Variants in NYNRIN observed in about 807,000 individuals in gnomAD.
NYNRIN encodes the protein protein NYNRIN.
In NYNRIN, 86 loss-of-function variants were observed where a neutral mutation model predicts 146.6. The observed-to-expected ratio is 0.59, with a 90% CI of 0.49 to 0.70. The LOEUF is 0.70. Among genes scored for constraint, NYNRIN ranks in the 30% least tolerant of loss-of-function variants. The probability of loss-of-function intolerance (pLI) is 0.00; values close to 1 mark genes in which losing one functional copy is unlikely to be tolerated. For missense variants in NYNRIN, 2,191 were observed against 2,377.7 expected (o/e 0.92, Z 1.63); for synonymous variants, 1,027 against 1,001.3 (o/e 1.03, Z -0.48).
At chr14:24,406,864 C>T (rs1434262640) in intron 2 of NYNRIN, among the ~76,000 whole-genome samples, 1 of 152,258 alleles carries the variant, frequency 6.6e-6, no homozygotes, top group Non-Finnish European at 1.5e-5. Context: ...AAACCCCAAC[C>T]TCGCCCACCC....
At chr14:24,412,506 T>C (rs1043508386) in intron 6 of NYNRIN, 11 of 160,330 alleles carry the variant, frequency 6.9e-5, no homozygotes, top group African/African-American at 2.4e-4. Flanking sequence ...ATGAATATTA[T>C]GCATTGGTGA....
Position 24,399,066 on chromosome 14 carries a change from C to T in NYNRIN, c.-38C>T. ...TCGAAGGGGACCAAGCTCCAGAGGG[C>T]GGGCGCCCGAGCCGTGCGGGGTGGG... On this transcript the variant is annotated 5_prime_UTR_variant, in exon 1 of 9. Coordinates refer to ENST00000382554, the MANE Select transcript of NYNRIN (RefSeq NM_025081.3). 2 of 547,246 alleles carry T rather than the reference C, an allele frequency of 3.7e-6. No homozygotes were observed. Among genetic ancestry groups the T allele is most frequent in the South Asian group, 2.4e-5 (1 of 42,202 alleles). The allele number at this position is 547,246 out of a possible 1,614,324, so 33.9% of individuals were successfully genotyped here.
chr14:24,405,839 A>G (rs537619285), intron 2 of NYNRIN, among the ~76,000 whole-genome samples: 6 of 152,204 alleles, frequency 3.9e-5, no homozygotes, highest in Non-Finnish European at 7.3e-5. Flanking sequence ...TATTTTAAAA[A>G]TTATCACAGT....
chr14:24,405,673 T>TGTGTG (rs2042871637), intron 2 of NYNRIN, among the ~76,000 whole-genome samples: 1 of 152,198 alleles, frequency 6.6e-6, no homozygotes, highest in African/African-American at 2.4e-5. Context: ...TATCCCAGCC[T>TGTGTG]ACTAACTGTG....
chr14:24,405,375 T>C (rs555302751), intron 2 of NYNRIN, among the ~76,000 whole-genome samples: 96 of 152,354 alleles, frequency 6.3e-4, no homozygotes, highest in Admixed American at 1.1e-3. Context: ...ACAAGTTGAC[T>C]AACGACCTGT....
Position 24,409,034 on chromosome 14 carries a change from C to A in NYNRIN, c.1240C>A (p.Leu414Met), listed in dbSNP as rs1440816891. 6.2e-7 allele frequency: 1 copy of A among 1,613,398 alleles called. No individual in the cohort carries two copies. Among genetic ancestry groups the A allele is most frequent in the East Asian group, 2.2e-5 (1 of 44,874 alleles). Reference sequence around the variant, plus strand: ...AGGGCAGAATCCTTTGCCCTTAAATCTGGAGTGGAAGCAGAAGGAGCTGGC... The same window carrying A: ...AGGGCAGAATCCTTTGCCCTTAAATATGGAGTGGAAGCAGAAGGAGCTGGC... ...LPGQNPLPLN[L>M]EWKQKELAPL... The change falls in exon 4 of 9, where the codon CTG (leucine) becomes ATG (methionine). Residue 414 changes from leucine to methionine, a missense_variant. Physicochemically the swap from Leu to Met is conservative, Grantham distance 15 (BLOSUM62 2). Coordinates refer to ENST00000382554, the MANE Select transcript of NYNRIN (RefSeq NM_025081.3).
At position 24,417,147 on chromosome 14, in the gene NYNRIN, C is replaced by T; in HGVS notation, c.5398C>T (p.Leu1800Phe). The T allele has an allele frequency of 6.2e-7, 1 of 1,614,004 alleles. No homozygotes were observed. The highest frequency in any genetic ancestry group is 1.1e-5 in the South Asian group (1 of 91,086). ...LLQLVGELLE[L>F]HWRVADKASE... ...ACAGCTGGTGGGGGAGCTGCTGGAGCTCCACTGGAGGGTGGCTGACAAGGC... is the reference window on the plus strand; with the variant it reads ...ACAGCTGGTGGGGGAGCTGCTGGAGTTCCACTGGAGGGTGGCTGACAAGGC... The change falls in exon 9 of 9, where the codon CTC becomes TTC. Residue 1800 changes from leucine to phenylalanine, a missense_variant. Coordinates refer to ENST00000382554, the MANE Select transcript of NYNRIN (RefSeq NM_025081.3).
At chr14:24,399,630 G>T (rs1408781429) in intron 2 of NYNRIN, among the ~76,000 whole-genome samples, 186 bp downstream of exon 2, 2 of 152,050 alleles carry the variant, frequency 1.3e-5, no homozygotes, top group Non-Finnish European at 2.9e-5. Flanking sequence ...TTCCATGCCC[G>T]CTTCTTCCCT....
chr14:24,414,517 G>T lies in NYNRIN; in HGVS notation c.2847-79G>T, dbSNP rs572847076. 12 of 1,138,184 alleles carry T rather than the reference G, an allele frequency of 1.1e-5. 1 individual carries two copies. In the Middle Eastern group the frequency reaches 1.0e-3, roughly 96 times the overall value. 70.5% of individuals were successfully genotyped at this position (1,138,184 alleles called of 1,614,324 possible). A position where few individuals can be genotyped will look rare whatever the true frequency, so the allele number is the denominator to read the frequency against. ...CAGCCTCAGGACACTTTGGAATGGG[G>T]TTTCCACAGAGGTGCTTTCCCTTTG... On this transcript the variant is annotated intron_variant, in intron 8 of 8. Transcript: ENST00000382554.
chr14:24,404,741 C>T (rs1436110557), intron 2 of NYNRIN, among the ~76,000 whole-genome samples: 1 of 152,154 alleles, frequency 6.6e-6, no homozygotes, highest in Admixed American at 6.6e-5. Flanking sequence ...CCAGGTTTTC[C>T]AGAATGTATG....
At position 24,417,059 on chromosome 14, in the gene NYNRIN, G is replaced by T. The variant is rs534007372; in HGVS notation, c.5310G>T (p.Glu1770Asp). The change falls in exon 9 of 9, where the codon GAG becomes GAT. Residue 1770 changes from glutamate to aspartate, a missense_variant. This residue lies in a region of NYNRIN where 1,291 missense variants were observed against 1,417.0 expected (regional missense o/e 0.91). Transcript: ENST00000382554. ...CCGGGGGTGAGTCAAGGCTCACGGA[G>T]CCCCTGTGGTGGGAGATGAGCAGCG... ...VLTGGESRLT[E>D]PLWWEMSSAN... 3.7e-6 allele frequency: 6 copies of T among 1,612,422 alleles called. No individual in the cohort carries two copies. The Admixed American group carries it at 8.3e-5, about 22-fold the overall frequency.
chr14:24,399,032 T>C lies in NYNRIN; in HGVS notation c.-72T>C, dbSNP rs1253883010. The stretch of plus-strand genomic sequence containing the variant: ...CCCGGGCAGGAAGAGCTCGTCGCGG[T>C]AGCAGCGGTCGAAGGGGACCAAGCT... On this transcript the variant is annotated 5_prime_UTR_variant, in exon 1 of 9. Coordinates refer to ENST00000382554, the MANE Select transcript of NYNRIN (RefSeq NM_025081.3). The C allele has an allele frequency of 2.0e-6, 1 of 511,140 alleles. No individual in the cohort carries two copies. The highest frequency in any genetic ancestry group is 4.1e-5 in the Admixed American group (1 of 24,294). 31.7% of individuals were successfully genotyped at this position (511,140 alleles called of 1,614,324 possible). A position where few individuals can be genotyped will look rare whatever the true frequency, so the allele number is the denominator to read the frequency against.
In NYNRIN at chr14:24,407,969, A is replaced by G. The variant is rs1477081270; in HGVS notation, c.299A>G (p.Asp100Gly). The G allele has an allele frequency of 1.9e-6, 3 of 1,613,876 alleles. No homozygotes were observed. Among genetic ancestry groups the G allele is most frequent in the Middle Eastern group, 1.6e-4 (1 of 6,082 alleles). ...AFLGAQGLFL[D>G]CLCWSTLAYL... ...CTTGGGGCCCAAGGCCTCTTCCTGG[A>G]CTGCCTCTGCTGGAGCACCCTTGCC... Residue 100 changes from aspartate (D) to glycine (G), a missense_variant, in exon 3 of 9, where the codon GAC (aspartate) becomes GGC (glycine). Asp to Gly is a moderately conservative substitution (Grantham distance 94, BLOSUM62 -1). Transcript: ENST00000382554.
chr14:24,413,231 A>G, intron 7 of NYNRIN, 85 bp from the exon 8 acceptor site: 1 of 1,407,940 alleles, frequency 7.1e-7, no homozygotes, highest in South Asian at 1.2e-5. Context: ...TGTGGGTCTC[A>G]GCGCCATGGA....
At chr14:24,407,740 T>C (rs1289543680) in intron 2 of NYNRIN, 129 bp from the exon 3 acceptor site, 11 of 800,028 alleles carry the variant, frequency 1.4e-5, no homozygotes, top group Non-Finnish European at 2.2e-5. Flanking sequence ...ATTTGGCTCA[T>C]GGTGGATGGG....
In NYNRIN at chr14:24,410,076, C is replaced by T. The variant is rs752963794; in HGVS notation, c.2282C>T (p.Ala761Val). The change falls in exon 4 of 9, where the codon GCG becomes GTG. Residue 761 changes from alanine to valine, a missense_variant. By Grantham distance (64) the Ala-to-Val change is moderately conservative. Coordinates refer to ENST00000382554, the MANE Select transcript of NYNRIN (RefSeq NM_025081.3). ...APRQPPRHLQ[A>V]NSTVTSFQRY... is the part of the protein sequence containing the mutation. ...AGGCAGCCACCTCGCCACCTGCAAG[C>T]GAACAGCACAGTGACCAGCTTCCAG... 13 of 1,613,836 alleles carry T rather than the reference C, an allele frequency of 8.1e-6. No homozygotes were observed. The highest frequency in any genetic ancestry group is 1.6e-4 in the Middle Eastern group (1 of 6,084).
In NYNRIN at chr14:24,408,850, G is replaced by A. The variant is rs746951328; in HGVS notation, c.1056G>A (p.Pro352=). Residue 352 remains proline (P), a synonymous_variant, in exon 4 of 9, where the codon CCG becomes CCA. Transcript: ENST00000382554. ...GVCPPWKAWT[P]GPAFGPLWPG... ...GCCCACCCTGGAAGGCCTGGACCCC[G>A]GGGCCAGCCTTTGGGCCATTGTGGC... The A allele has an allele frequency of 2.7e-5, 43 of 1,613,888 alleles. No homozygotes were observed. Among genetic ancestry groups the A allele is most frequent in the South Asian group, 7.7e-5 (7 of 91,084 alleles).
At position 24,415,289 on chromosome 14, in the gene NYNRIN, A is replaced by G; in HGVS notation, c.3540A>G (p.Ser1180=). 6.2e-7 allele frequency: 1 copy of G among 1,613,908 alleles called. No individual in the cohort carries two copies. The highest frequency in any genetic ancestry group is 8.5e-7 in the Non-Finnish European group (1 of 1,179,844). ...ALTAILHQEH[S]GRKHPIAYTS... The stretch of plus-strand genomic sequence containing the variant: ...CGGCCATCCTCCATCAGGAGCACTC[A>G]GGGAGGAAGCACCCCATAGCCTATA... Residue 1180 remains serine (S), a synonymous_variant, in exon 9 of 9, where the codon TCA becomes TCG. Transcript: ENST00000382554.
Position 24,409,174 on chromosome 14 carries a change from G to T in NYNRIN, c.1380G>T (p.Leu460Phe), listed in dbSNP as rs2042894583. The T allele has an allele frequency of 6.2e-7, 1 of 1,613,846 alleles. No homozygotes were observed. Among genetic ancestry groups the T allele is most frequent in the Admixed American group, 1.7e-5 (1 of 60,002 alleles). Reference sequence around the variant, plus strand: ...TTTCCCCAAAAGTTACGAGTTTATTGGTGGTCCCTGGGAGCTCAGATGTAA... The same window carrying T: ...TTTCCCCAAAAGTTACGAGTTTATTTGTGGTCCCTGGGAGCTCAGATGTAA... ...PEISPKVTSL[L>F]VVPGSSDVKD... Residue 460 changes from leucine (L) to phenylalanine (F), a missense_variant, in exon 4 of 9, where the codon TTG (leucine) becomes TTT (phenylalanine). Leu to Phe is a conservative substitution (Grantham distance 22). Around this residue, in one of 3 missense-constraint regions of NYNRIN, gnomAD observed 895 missense variants for 941.2 expected, o/e 0.95. Coordinates refer to ENST00000382554, the MANE Select transcript of NYNRIN (RefSeq NM_025081.3).
Sources: gnomAD v4.1 joint callset for allele counts (sites outside exome capture counted in the v4.1 genomes callset) on GRCh38, gnomAD v4.1.1 for gene constraint, gnomAD v4.1.1 regional missense constraint, MANE v1.5 for transcripts, NCBI Gene and HGNC (gene_info 2026-07-23, HGNC 2026-07-21) for gene names.